Variants in UNC13D observed in about 807,000 individuals in gnomAD.
UNC13D encodes the protein unc-13 homolog D.
A neutral mutation model predicts 151.7 loss-of-function variants in UNC13D; 115 were observed. The observed-to-expected ratio is 0.76, with a 90% CI of 0.65 to 0.88. The LOEUF (loss-of-function observed/expected upper bound fraction) is 0.88, where lower values mean the gene tolerates loss of function less well. Among genes scored for constraint, UNC13D ranks in the 40% least tolerant of loss-of-function variants. The pLI, the probability that UNC13D is intolerant of heterozygous loss-of-function variation, is 0.00. For missense variants in UNC13D, 1,369 were observed against 1,438.7 expected (o/e 0.95, Z 0.78); for synonymous variants, 588 against 612.2 (o/e 0.96, Z 0.58).
Position 75,828,065 on chromosome 17 carries a change from A to G in UNC13D, c.3173T>C (p.Leu1058Pro), listed in dbSNP as rs1278701043. 3 of 1,573,688 alleles carry G rather than the reference A, an allele frequency of 1.9e-6. No homozygotes were observed. Among genetic ancestry groups the G allele is most frequent in the Non-Finnish European group, 2.6e-6 (3 of 1,159,868 alleles). ...APNGDPILQL[L>P]EGRKGDREAQ... ...TTCTCGGTCACCCTTCCGGCCCTCC[A>G]GCAGCTGCAGGATTGGGTCCCCTGC... Residue 1058 changes from leucine to proline, a missense_variant, in exon 32 of 32, where the codon CTG becomes CCG. Coordinates refer to ENST00000207549, the MANE Select transcript of UNC13D (RefSeq NM_199242.3).
chr17:75,843,912 G>T, intron 1 of UNC13D: 1 of 1,378,506 alleles, frequency 7.3e-7, no homozygotes, highest in Non-Finnish European at 9.4e-7. Flanking sequence ...CCCCACAGCA[G>T]GGACACCCCC....
chr17:75,836,980 C>T, intron 12 of UNC13D, 62 bp from the exon 13 acceptor site: 2 of 1,571,746 alleles, frequency 1.3e-6, no homozygotes, highest in Non-Finnish European at 1.7e-6. Context: ...CCCTGTTCAC[C>T]CGGCCTCAGG....
rs1283207926 is a variant in UNC13D, at chr17:75,835,400, C to T, written c.1848+9G>A. 5.0e-6 allele frequency: 8 copies of T among 1,610,610 alleles called. No homozygotes were observed. Among genetic ancestry groups the T allele is most frequent in the East Asian group, 2.2e-5 (1 of 44,848 alleles). On this transcript the variant is annotated intron_variant, in intron 20 of 31. Coordinates refer to ENST00000207549, the MANE Select transcript of UNC13D (RefSeq NM_199242.3). ...GGGGCCCCGCCCCCTGCCCTGGCCA[C>T]GCCCCCACCTCATCCATCTGCACAG... is the stretch of plus-strand genomic sequence containing the variant.
chr17:75,831,503 A>G, intron 25 of UNC13D, 155 bp from the exon 26 acceptor site: 1 of 677,184 alleles, frequency 1.5e-6, no homozygotes, highest in Non-Finnish European at 2.5e-6. Flanking sequence ...ACCCCAGGTG[A>G]GGCTGGGGAG....
In UNC13D at chr17:75,832,307, C is replaced by G. The variant is rs569175869; in HGVS notation, c.2447+659G>C. On this transcript the variant is annotated intron_variant, in intron 25 of 31. Transcript: ENST00000207549. The surrounding 1 kb of genome is among the most constrained non-coding windows in gnomAD (Gnocchi z 4.3). ...TACCGCTAATAGTCACTGACCACTT[C>G]CTTTGTACTGACACCACGCTCAGCA... is the stretch of plus-strand genomic sequence containing the variant. 1 of 152,552 alleles carries G rather than the reference C, an allele frequency of 6.6e-6. No individual in the cohort carries two copies. The highest frequency in any genetic ancestry group is 2.4e-5 in the African/African-American group (1 of 41,568). 9.4% of individuals were successfully genotyped at this position (152,552 alleles called of 1,614,324 possible).
rs2064970921 is a variant in UNC13D, at chr17:75,844,280, T to C, written c.58A>G (p.Lys20Glu). 6.2e-7 allele frequency: 1 copy of C among 1,612,788 alleles called. No homozygotes were observed. Among genetic ancestry groups the C allele is most frequent in the Non-Finnish European group, 8.5e-7 (1 of 1,179,924 alleles). The change falls in exon 1 of 32, where the codon AAG becomes GAG. Residue 20 changes from lysine to glutamate, a missense_variant. This residue lies in a region of UNC13D where 550 missense variants were observed against 609.0 expected (regional missense o/e 0.90). Coordinates refer to ENST00000207549, the MANE Select transcript of UNC13D (RefSeq NM_199242.3). ...QRPPFLRQAI[K>E]IRRRRVRDLQ... is the part of the protein sequence containing the mutation. ...TCTCTGACTCTGCGGCGCCTTATCT[T>C]GATGGCCTGGCGCAAGAAGGGAGGG... is the stretch of plus-strand genomic sequence containing the variant.
chr17:75,828,904 C>T lies in UNC13D; in HGVS notation c.3034G>A (p.Asp1012Asn), dbSNP rs1240859315. ...TVLDYDTLGA[D>N]DLEGEAFLPL... Reference sequence around the variant, plus strand: ...AGGAAGGCCTCGCCTTCCAGGTCGTCGGCCCCCAGCGTGTCGTAGTCCAGC... The same window carrying T: ...AGGAAGGCCTCGCCTTCCAGGTCGTTGGCCCCCAGCGTGTCGTAGTCCAGC... Residue 1012 changes from aspartate to asparagine, a missense_variant, in exon 31 of 32, where the codon GAC becomes AAC. Physicochemically the swap from Asp to Asn is conservative, Grantham distance 23. Coordinates refer to ENST00000207549, the MANE Select transcript of UNC13D (RefSeq NM_199242.3). The T allele has an allele frequency of 1.0e-5, 16 of 1,606,872 alleles. No homozygotes were observed. The highest frequency in any genetic ancestry group is 1.3e-5 in the African/African-American group (1 of 74,904).
rs1379531371 is a variant in UNC13D at position 75,833,977 on chromosome 17, G to A, written c.2367+98C>T. 6.8e-7 allele frequency: 1 copy of A among 1,474,278 alleles called. No homozygotes were observed. The highest frequency in any genetic ancestry group is 1.4e-5 in the African/African-American group (1 of 72,328). The allele number at this position is 1,474,278 out of a possible 1,614,324, so 91.3% of individuals were successfully genotyped here. On this transcript the variant is annotated intron_variant, in intron 24 of 31. Coordinates refer to ENST00000207549, the MANE Select transcript of UNC13D (RefSeq NM_199242.3). The surrounding 1 kb of genome is among the most constrained non-coding windows in gnomAD (Gnocchi z 4.0). ...CCCAGGGAGAGAACATGCTTTGCCT[G>A]GTCTGGGGGACTTATCTTTGACACC...
In UNC13D at chr17:75,831,305, C is replaced by G; in HGVS notation, c.2491G>C (p.Glu831Gln). 2 of 1,613,628 alleles carry G rather than the reference C, an allele frequency of 1.2e-6. No homozygotes were observed. The highest frequency in any genetic ancestry group is 1.7e-6 in the Non-Finnish European group (2 of 1,180,024). The change falls in exon 26 of 32, where the codon GAG (glutamate) becomes CAG (glutamine). Residue 831 changes from glutamate to glutamine, a missense_variant. By Grantham distance (29) the Glu-to-Gln change is conservative. This residue lies in a region of UNC13D where 807 missense variants were observed against 795.5 expected (regional missense o/e 1.01). Coordinates refer to ENST00000207549, the MANE Select transcript of UNC13D (RefSeq NM_199242.3). Reference sequence around the variant, plus strand: ...GAGCTGCGCTGGGAGGCGGCCGCCTCCACCAGCACTGTGAGTGTGTGGGTC... The same window carrying G: ...GAGCTGCGCTGGGAGGCGGCCGCCTGCACCAGCACTGTGAGTGTGTGGGTC... ...LWTHTLTVLV[E>Q]AAASQRSSSL...
intron 6 of UNC13D, among the ~76,000 whole-genome samples, chr17:75,841,905 C>G (rs975177319): frequency 2.6e-5 from 4 of 152,018 alleles, no homozygotes; most frequent in African/African-American, 7.3e-5. Context: ...CCTGCCACCA[C>G]GCCCGGCTAA....
rs1362597635 is a variant in UNC13D at position 75,833,534 on chromosome 17, A to G, written c.2368-489T>C. On this transcript the variant is annotated intron_variant, in intron 24 of 31. Coordinates refer to ENST00000207549, the MANE Select transcript of UNC13D (RefSeq NM_199242.3). This position sits in a 1 kb window ranked among gnomAD's most constrained non-coding sequence, Gnocchi z 4.0. ...ACGCCTGTGCATAGAGTTAACAGCT[A>G]TAACTATCACTATAGTTATGGATAC... Among the ~76,000 whole-genome samples the G allele has an allele frequency of 6.6e-6, 1 of 152,036 alleles. No homozygotes were observed. The highest frequency in any genetic ancestry group is 1.5e-5 in the Non-Finnish European group (1 of 68,038).
chr17:75,828,951 C>T lies in UNC13D; in HGVS notation c.2987G>A (p.Gly996Glu). 1.2e-6 allele frequency: 2 copies of T among 1,605,486 alleles called. No homozygotes were observed. The highest frequency in any genetic ancestry group is 1.7e-6 in the Non-Finnish European group (2 of 1,179,596). The change falls in exon 31 of 32, where the codon GGG (glycine) becomes GAG (glutamate). Residue 996 changes from glycine (G) to glutamate (E), a missense_variant. Gly to Glu is a moderately conservative substitution (Grantham distance 98). Around this residue, in one of 3 missense-constraint regions of UNC13D, gnomAD observed 807 missense variants for 795.5 expected, o/e 1.01. Transcript: ENST00000207549. Reference protein sequence around the residue: ...LVPAEPCRKAGACLLLTVLDY... With the variant: ...LVPAEPCRKAEACLLLTVLDY... The stretch of plus-strand genomic sequence containing the variant: ...CAGCACGGTGAGCAGGAGGCATGCC[C>T]CAGCCTTGCGGCACGGCTCAGCAGG...
intron 30 of UNC13D, chr17:75,829,730 A>G (rs889371088): frequency 2.6e-6 from 1 of 377,994 alleles, no homozygotes; most frequent in Non-Finnish European, 5.1e-6. Flanking sequence ...AGCTGAGAGT[A>G]CAGGTACCCA....
At chr17:75,837,248 T>C (rs544641045) in intron 12 of UNC13D, among the ~76,000 whole-genome samples, 1 of 151,046 alleles carries the variant, frequency 6.6e-6, no homozygotes, top group Non-Finnish European at 1.5e-5. Context: ...TTATTTTTAG[T>C]AGAGATGGGG....
chr17:75,831,529 C>A (rs2064872916), intron 25 of UNC13D, 181 bp from the exon 26 acceptor site: 1 of 619,750 alleles, frequency 1.6e-6, no homozygotes, highest in South Asian at 1.9e-5. Flanking sequence ...GGGTACAGGA[C>A]CAGCAAGGGG....
intron 14 of UNC13D, 29 bp from the exon 15 acceptor site, chr17:75,836,458 G>T: frequency 6.2e-7 from 1 of 1,611,994 alleles, no homozygotes; most frequent in East Asian, 2.2e-5. Flanking sequence ...TGTGTCGAAA[G>T]TGCCTGCTGC....
intron 30 of UNC13D, among the ~76,000 whole-genome samples, chr17:75,829,326 T>G (rs539286597): frequency 1.4e-4 from 22 of 152,268 alleles, no homozygotes; most frequent in Middle Eastern, 3.4e-3. Context: ...GACGGAGTCT[T>G]GCTCTGTCAC....
At chr17:75,835,599 C>T in intron 19 of UNC13D, 48 bp downstream of exon 19, 2 of 1,611,846 alleles carry the variant, frequency 1.2e-6, no homozygotes, top group Non-Finnish European at 1.7e-6. Flanking sequence ...CGTCCACCCT[C>T]CCCTCCCCTG....
At chr17:75,838,403 G>A (rs1279733307) in intron 12 of UNC13D, among the ~76,000 whole-genome samples, 2 of 151,884 alleles carry the variant, frequency 1.3e-5, no homozygotes, top group Non-Finnish European at 2.9e-5. Flanking sequence ...ATATTTTGTA[G>A]AGACAGGATT....
Sources: gnomAD v4.1 joint callset for allele counts (sites outside exome capture counted in the v4.1 genomes callset) on GRCh38, gnomAD v4.1.1 for gene constraint, gnomAD v4.1.1 regional missense constraint, Gnocchi (gnomAD v3.1) non-coding constraint, MANE v1.5 for transcripts, NCBI Gene and HGNC (gene_info 2026-07-23, HGNC 2026-07-21) for gene names.